The following FBLN1 variants were observed in gnomAD, a reference collection of about 807,000 sequenced individuals.
FBLN1 encodes the protein fibulin-1.
FBLN1 carries 34 observed loss-of-function variants against 89.7 expected under a neutral mutation model. The ratio of observed to expected loss-of-function variants is 0.38; its 90% confidence interval spans 0.29 to 0.50. FBLN1 has a LOEUF of 0.50. Ranked by LOEUF, FBLN1 falls within the 20% of genes least tolerant of loss-of-function variation. The probability of loss-of-function intolerance (pLI) is 0.92; values close to 1 mark genes in which losing one functional copy is unlikely to be tolerated. For synonymous variants in FBLN1, 393 were observed against 391.3 expected, an observed-to-expected ratio of 1.00 and a Z score of -0.05; for missense variants, 777 against 988.1, an observed-to-expected ratio of 0.79 and a Z score of 2.86.
In FBLN1 at chr22:45,591,360, A is replaced by G. The variant is rs573097622; in HGVS notation, c.1973-8947A>G. ...GTTCCCACGCCACAGGTGAAGGCTG[A>G]AGGGCTTTAGTCCAAAGCTGACATT... is the stretch of plus-strand genomic sequence containing the variant. On this transcript the variant is annotated intron_variant, in intron 16 of 16. Coordinates refer to ENST00000327858, the MANE Select transcript of FBLN1 (RefSeq NM_006486.3). 3.8e-5 allele frequency among the ~76,000 whole-genome samples: 5 copies of G among 129,902 alleles called. No homozygotes were observed. In the East Asian group the frequency reaches 1.0e-3, roughly 26 times the overall value. 85.2% of individuals were successfully genotyped at this position (129,902 alleles called of 152,430 possible). A position where few individuals can be genotyped will look rare whatever the true frequency, so the allele number is the denominator to read the frequency against.
At position 45,541,223 on chromosome 22, in the gene FBLN1, C is replaced by A; in HGVS notation, c.923-6C>A. The A allele has an allele frequency of 6.2e-7, 1 of 1,614,234 alleles. No individual in the cohort carries two copies. The highest frequency in any genetic ancestry group is 1.7e-5 in the Admixed American group (1 of 60,030). The stretch of plus-strand genomic sequence containing the variant: ...ACCACATGGTCTCTGTCTTTTCCCG[C>A]TGTAGATATCAATGAGTGTTTGAGT... On this transcript the variant is annotated splice_region_variant and splice_polypyrimidine_tract_variant and intron_variant, in intron 8 of 16. Coordinates refer to ENST00000327858, the MANE Select transcript of FBLN1 (RefSeq NM_006486.3).
In FBLN1 at chr22:45,529,922, G is replaced by A. The variant is rs568444515; in HGVS notation, c.485-1343G>A. On this transcript the variant is annotated intron_variant, in intron 4 of 16. Coordinates refer to ENST00000327858, the MANE Select transcript of FBLN1 (RefSeq NM_006486.3). ...GGGAGGTGCCGGAAGGGGCGAAAGG[G>A]AAGAACCCTCAGACCTGTAGTCTCT... 1.0e-3 allele frequency among the ~76,000 whole-genome samples: 156 copies of A among 152,120 alleles called. 1 individual carries two copies. Among genetic ancestry groups the A allele is most frequent in the Non-Finnish European group, 1.3e-3 (85 of 67,998 alleles).
At position 45,568,542 on chromosome 22, in the gene FBLN1, A is replaced by G. The variant is rs375637690; in HGVS notation, c.1698-5969A>G. On this transcript the variant is annotated intron_variant, in intron 14 of 16. Transcript: ENST00000327858. Reference sequence around the variant, plus strand: ...AGGGGAATGCCTCTTCTGTAGGGGAATGCTCCTTCTGTAGGGCATGCTCCT... The same window carrying G: ...AGGGGAATGCCTCTTCTGTAGGGGAGTGCTCCTTCTGTAGGGCATGCTCCT... Among the ~76,000 whole-genome samples, 159 of 120,818 alleles carry G rather than the reference A, an allele frequency of 1.3e-3. 2 individuals are homozygous for G. The highest frequency in any genetic ancestry group is 6.0e-3 in the African/African-American group (125 of 20,738). 79.3% of individuals were successfully genotyped at this position (120,818 alleles called of 152,430 possible). A position where few individuals can be genotyped will look rare whatever the true frequency, so the allele number is the denominator to read the frequency against.
intron 1 of FBLN1, chr22:45,517,410 C>A: frequency 2.7e-6 from 1 of 377,038 alleles, no homozygotes; most frequent in Non-Finnish European, 5.3e-6. Flanking sequence ...ACAATGGGGT[C>A]TTCTCCCTTC....
rs2089194597 is a variant in FBLN1 at position 45,597,151 on chromosome 22, C to CA, written c.1973-3155dup. 6.6e-6 allele frequency among the ~76,000 whole-genome samples: 1 copy of CA among 151,978 alleles called. No homozygotes were observed. Among genetic ancestry groups the CA allele is most frequent in the East Asian group, 1.9e-4 (1 of 5,188 alleles). On this transcript the variant is annotated intron_variant, in intron 16 of 16. Transcript: ENST00000327858. This position sits in a 1 kb window ranked among gnomAD's most constrained non-coding sequence, Gnocchi z 4.2. The stretch of plus-strand genomic sequence containing the variant: ...CTGAGTAGCTGGGACTATAAGCACA[C>CA]ACCACCATGCCTGGCTAATTTTTGT...
intron 14 of FBLN1, among the ~76,000 whole-genome samples, chr22:45,555,997 T>C (rs548775825): frequency 7.6e-4 from 116 of 152,308 alleles, no homozygotes; most frequent in African/African-American, 2.7e-3. Flanking sequence ...TGATTGTTTT[T>C]TGTTTGTGTG....
chr22:45,526,659 T>G (rs998911832), intron 3 of FBLN1, among the ~76,000 whole-genome samples: 5 of 152,184 alleles, frequency 3.3e-5, no homozygotes, highest in African/African-American at 1.2e-4. Context: ...CCACATAGAT[T>G]GGGCTGTGGA....
At chr22:45,600,193 A>G (rs145302700) in intron 16 of FBLN1, 114 bp from the exon 17 acceptor site, 5 of 1,285,428 alleles carry the variant, frequency 3.9e-6, no homozygotes, top group East Asian at 2.3e-5. Context: ...ATGGGACTCC[A>G]TGAGGTCTAT....
chr22:45,509,980 G>A (rs762034407), intron 1 of FBLN1, among the ~76,000 whole-genome samples: 10 of 152,100 alleles, frequency 6.6e-5, no homozygotes, highest in Non-Finnish European at 1.5e-4. Flanking sequence ...AACTCCTGAC[G>A]CCCTCAGCTG....
rs573764344 is a variant in FBLN1, at chr22:45,562,664, C to A, written c.1698-11847C>A. On this transcript the variant is annotated intron_variant, in intron 14 of 16. Coordinates refer to ENST00000327858, the MANE Select transcript of FBLN1 (RefSeq NM_006486.3). This position sits in a 1 kb window ranked among gnomAD's most constrained non-coding sequence, Gnocchi z 7.8. ...CAGGGGACGCACCTCACTCCGGGCA[C>A]AGCCTTTGGCCCCCGGCCACCCAGC... is the stretch of plus-strand genomic sequence containing the variant. Among the ~76,000 whole-genome samples the A allele has an allele frequency of 6.6e-5, 10 of 152,334 alleles. No homozygotes were observed. The highest frequency in any genetic ancestry group is 2.2e-4 in the African/African-American group (9 of 41,588).
Position 45,577,606 on chromosome 22 carries a change from A to T in FBLN1, c.1972+498A>T, listed in dbSNP as rs1359481306. ...GATTCGCCATGTGGCCTTGAGCAGT[A>T]GTCGTCCCCTCCCTACGCATCAGTT... On this transcript the variant is annotated intron_variant, in intron 16 of 16. Coordinates refer to ENST00000327858, the MANE Select transcript of FBLN1 (RefSeq NM_006486.3). This position sits in a 1 kb window ranked among gnomAD's most constrained non-coding sequence, Gnocchi z 6.6. 6.6e-6 allele frequency among the ~76,000 whole-genome samples: 1 copy of T among 152,168 alleles called. No homozygotes were observed. Among genetic ancestry groups the T allele is most frequent in the Non-Finnish European group, 1.5e-5 (1 of 68,030 alleles).
intron 14 of FBLN1, among the ~76,000 whole-genome samples, chr22:45,559,464 A>G (rs112189784): frequency 0.023 from 3,533 of 152,250 alleles, 124 homozygotes; most frequent in African/African-American, 0.081. Context: ...GGCAGCTCTC[A>G]TGGCTTCCAT....
In FBLN1 at chr22:45,530,100, C is replaced by T. The variant is rs2088384726; in HGVS notation, c.485-1165C>T. 3.3e-5 allele frequency among the ~76,000 whole-genome samples: 5 copies of T among 152,262 alleles called. No homozygotes were observed. The South Asian group carries it at 1.0e-3, about 32-fold the overall frequency. ...ACTTATTGTTCTTAGTTTTTCAAGT[C>T]CAGGGCCCCATGGATGCCACTGAGA... On this transcript the variant is annotated intron_variant, in intron 4 of 16. Coordinates refer to ENST00000327858, the MANE Select transcript of FBLN1 (RefSeq NM_006486.3). This position sits in a 1 kb window ranked among gnomAD's most constrained non-coding sequence, Gnocchi z 5.4.
chr22:45,506,898 T>A (rs1320843759), intron 1 of FBLN1, among the ~76,000 whole-genome samples: 1 of 152,238 alleles, frequency 6.6e-6, no homozygotes, highest in East Asian at 1.9e-4. Flanking sequence ...ATGTAGTTAT[T>A]TTGCCAGCAT....
In FBLN1 at chr22:45,542,253, T is replaced by C; in HGVS notation, c.1165T>C (p.Tyr389His). The C allele has an allele frequency of 6.2e-7, 1 of 1,614,114 alleles. No homozygotes were observed. Among genetic ancestry groups the C allele is most frequent in the Non-Finnish European group, 8.5e-7 (1 of 1,180,040 alleles). Residue 389 changes from tyrosine to histidine, a missense_variant, in exon 10 of 17, where the codon TAT becomes CAT. By Grantham distance (83) the Tyr-to-His change is moderately conservative. Transcript: ENST00000327858. Reference sequence around the variant, plus strand: ...CCGCTGCGAATGCAAGACGGGTTACTATTTTGACGGCATCAGCAGGATGTG... The same window carrying C: ...CCGCTGCGAATGCAAGACGGGTTACCATTTTGACGGCATCAGCAGGATGTG... ...SFRCECKTGY[Y>H]FDGISRMCVD...
rs1345128752 is a variant in FBLN1, at chr22:45,577,594, G to A, written c.1972+486G>A. On this transcript the variant is annotated intron_variant, in intron 16 of 16. Transcript: ENST00000327858. This position sits in a 1 kb window ranked among gnomAD's most constrained non-coding sequence, Gnocchi z 6.6. ...TGGAACTAGCTGGATTCGCCATGTGGCCTTGAGCAGTAGTCGTCCCCTCCC... is the reference window on the plus strand; with the variant it reads ...TGGAACTAGCTGGATTCGCCATGTGACCTTGAGCAGTAGTCGTCCCCTCCC... Among the ~76,000 whole-genome samples the A allele has an allele frequency of 6.6e-6, 1 of 152,190 alleles. No homozygotes were observed. The highest frequency in any genetic ancestry group is 1.9e-4 in the East Asian group (1 of 5,172).
intron 11 of FBLN1, among the ~76,000 whole-genome samples, chr22:45,546,273 A>C (rs1430540414): frequency 6.6e-6 from 1 of 152,000 alleles, no homozygotes; most frequent in Non-Finnish European, 1.5e-5. Flanking sequence ...GCTGGAGTGC[A>C]GTGGTGTGAT....
At chr22:45,589,188 C>G (rs1000449048) in intron 16 of FBLN1, among the ~76,000 whole-genome samples, 1 of 151,458 alleles carries the variant, frequency 6.6e-6, no homozygotes, top group Non-Finnish European at 1.5e-5. Flanking sequence ...CCCTGTAGAT[C>G]ATTATTCCCA....
Position 45,549,309 on chromosome 22 carries a change from C to G in FBLN1, c.1573+565C>G, listed in dbSNP as rs376698698. On this transcript the variant is annotated intron_variant, in intron 13 of 16. Coordinates refer to ENST00000327858, the MANE Select transcript of FBLN1 (RefSeq NM_006486.3). The surrounding 1 kb of genome is among the most constrained non-coding windows in gnomAD (Gnocchi z 5.7). ...CGGGTGCTGAGTAGATGTTTGTGAG[C>G]GCGTGATCCTCAGTGTACACACTGC... Among the ~76,000 whole-genome samples the G allele has an allele frequency of 3.3e-5, 5 of 152,172 alleles. No individual in the cohort carries two copies. The highest frequency in any genetic ancestry group is 2.1e-4 in the South Asian group (1 of 4,832).
Sources: allele counts gnomAD v4.1 joint callset (sites outside exome capture counted in the v4.1 genomes callset), GRCh38; gene constraint gnomAD v4.1.1; non-coding constraint Gnocchi (gnomAD v3.1); transcripts MANE v1.5; gene names NCBI Gene and HGNC (gene_info 2026-07-23, HGNC 2026-07-21).